The following USP50 variants were observed in gnomAD, a reference collection of about 807,000 sequenced individuals.
USP50 encodes ubiquitin specific peptidase 50, also known as ubiquitin carboxyl-terminal hydrolase 50.
In USP50, 37 loss-of-function variants were observed where a neutral mutation model predicts 39.2. The observed-to-expected ratio is 0.94, with a 90% confidence interval of 0.73 to 1.24. USP50 has a LOEUF of 1.24. USP50 is among the 50% of genes most tolerant of loss of function. The pLI is 0.00. For synonymous variants in USP50, 139 were observed against 144.5 expected, an observed-to-expected ratio of 0.96 and a Z score of 0.27; for missense variants, 374 against 398.2, an observed-to-expected ratio of 0.94 and a Z score of 0.52.
At chr15:50,496,924 G>C (rs2052435731), downstream of USP50, 1 of 812,882 alleles carries the variant, frequency 1.2e-6, no homozygotes, top group Admixed American at 3.2e-5. Context: ...TTGTTCACTT[G>C]TCTATGCTTC....
chr15:50,498,998 T>G (rs1272512193), downstream of USP50: 2 of 1,614,076 alleles, frequency 1.2e-6, no homozygotes, highest in Non-Finnish European at 1.7e-6. Flanking sequence ...ATGAAGTTTC[T>G]GATATCTCCG....
At chr15:50,527,607 G>T (rs953307233) in intron 6 of USP50, among the ~76,000 whole-genome samples, 6 of 151,682 alleles carry the variant, frequency 4.0e-5, no homozygotes, top group Non-Finnish European at 8.8e-5. Context: ...CTACTGTCAT[G>T]CATCATAATT....
At chr15:50,500,913 G>T in intron 6 of USP50, 76 bp from the exon 7 acceptor site, 1 of 1,210,366 alleles carries the variant, frequency 8.3e-7, no homozygotes, top group Non-Finnish European at 1.2e-6. Flanking sequence ...ATAGGGCCAA[G>T]AGATGCTTTT....
At chr15:50,498,419 G>T (rs2052496424), downstream of USP50, 1 of 783,090 alleles carries the variant, frequency 1.3e-6, no homozygotes, top group Non-Finnish European at 1.9e-6. Flanking sequence ...CAGTTTTCTT[G>T]TTTGTAAAAT....
chr15:50,525,546 G>A (rs916106079), intron 6 of USP50, among the ~76,000 whole-genome samples: 4 of 84,040 alleles, frequency 4.8e-5, no homozygotes, highest in African/African-American at 1.0e-4. Flanking sequence ...ATGTATATAT[G>A]TATATATGTG....
chr15:50,514,047 GT>G (rs768352586), intron 6 of USP50: 4 of 152,160 alleles, frequency 2.6e-5, no homozygotes, highest in Non-Finnish European at 5.9e-5. Flanking sequence ...TTACTAAATT[GT>G]AGTATTTTCA....
intron 5 of USP50, among the ~76,000 whole-genome samples, chr15:50,537,788 A>C (rs7175357): frequency 0.029 from 4,180 of 145,994 alleles, 193 homozygotes; most frequent in African/African-American, 0.1. Flanking sequence ...TGAACTAGGG[A>C]AGTGGAGGCT....
At chr15:50,504,746 G>A (rs754719909) in intron 6 of USP50, 2 of 152,206 alleles carry the variant, frequency 1.3e-5, no homozygotes, top group Non-Finnish European at 2.9e-5. Flanking sequence ...TTGGGAGGCT[G>A]AGGCGGGTGG....
intron 6 of USP50, chr15:50,506,350 A>G (rs117164637): frequency 2.6e-5 from 4 of 152,298 alleles, no homozygotes; most frequent in East Asian, 3.9e-4. Flanking sequence ...CACAAACTCT[A>G]TTGTGAACTG....
At chr15:50,495,835 A>T (rs371404791), downstream of USP50, 3 of 1,593,626 alleles carry the variant, frequency 1.9e-6, no homozygotes, top group African/African-American at 1.3e-5. Flanking sequence ...AGCTTAAATC[A>T]TTTTATTTCC....
chr15:50,501,749 G>C (rs2052592201), intron 6 of USP50: 1 of 152,116 alleles, frequency 6.6e-6, no homozygotes, highest in Non-Finnish European at 1.5e-5. Flanking sequence ...TATGGTGTAT[G>C]ATAAGGGTCA....
At chr15:50,495,396 T>C (rs1025385578) in intron 1 of USP50, among the ~76,000 whole-genome samples, 1 of 151,770 alleles carries the variant, frequency 6.6e-6, no homozygotes, top group African/African-American at 2.4e-5. Flanking sequence ...ATTATATATG[T>C]CCAGTTGTAG....
chr15:50,540,706 C>T lies in USP50; in HGVS notation c.660+343G>A, dbSNP rs553661586. Among the ~76,000 whole-genome samples the T allele has an allele frequency of 2.7e-3, 411 of 152,220 alleles. 2 individuals carry two copies. The highest frequency in any genetic ancestry group is 0.021 in the South Asian group (101 of 4,822). ...TAGTGCGATCTTGGCTCACAACAACCTCCGCCTCCCAGGTTCAAGCGATTC... is the reference window on the plus strand; with the variant it reads ...TAGTGCGATCTTGGCTCACAACAACTTCCGCCTCCCAGGTTCAAGCGATTC... On this transcript the variant is annotated intron_variant, in intron 4 of 6. Transcript: ENST00000532404.
rs943313179 is a variant in USP50 at position 50,541,337 on chromosome 15, T to C, written c.445-73A>G. On this transcript the variant is annotated intron_variant, in intron 3 of 6. Transcript: ENST00000532404. The stretch of plus-strand genomic sequence containing the variant: ...AAAAGACTGTGGCAACATGGTGAGA[T>C]CCCATCTCTACAAAAAAAACAAAAA... 10 of 1,344,572 alleles carry C rather than the reference T, an allele frequency of 7.4e-6. No homozygotes were observed. The Admixed American group carries it at 1.4e-4, about 19-fold the overall frequency. 83.3% of individuals were successfully genotyped at this position (1,344,572 alleles called of 1,614,324 possible).
chr15:50,545,615 G>A (rs3109880), intron 1 of USP50, among the ~76,000 whole-genome samples: 54,088 of 150,968 alleles, frequency 0.36, 10,660 homozygotes, highest in Admixed American at 0.48. Context: ...CATAATATAT[G>A]CACATTAAGA....
At position 50,541,229 on chromosome 15, in the gene USP50, T is replaced by A; in HGVS notation, c.480A>T (p.Gly160=). 1.2e-6 allele frequency: 2 copies of A among 1,613,958 alleles called. No individual in the cohort carries two copies. The highest frequency in any genetic ancestry group is 1.7e-6 in the Non-Finnish European group (2 of 1,179,888). The change falls in exon 4 of 7, where the codon GGA becomes GGT. Residue 160 remains glycine, a synonymous_variant. Transcript: ENST00000532404. ...ACTTCCTGCAGCATCTCTGAGTAGATCCTTTCTCATATGATCTTCTCCGGG... is the reference window on the plus strand; with the variant it reads ...ACTTCCTGCAGCATCTCTGAGTAGAACCTTTCTCATATGATCTTCTCCGGG... ...HYSRRRSYEK[G]STQRCCRKWI...
At chr15:50,509,925 A>T (rs2052715999) in intron 6 of USP50, 1 of 152,148 alleles carries the variant, frequency 6.6e-6, no homozygotes, top group Non-Finnish European at 1.5e-5. Context: ...ATAAGAATAA[A>T]GTTGTGATGG....
intron 6 of USP50, among the ~76,000 whole-genome samples, chr15:50,525,053 G>T (rs1440793866): frequency 6.6e-6 from 1 of 152,154 alleles, no homozygotes; most frequent in East Asian, 1.9e-4. Context: ...GTGGATAAAT[G>T]AATAAAGAAA....
At chr15:50,535,986 T>G (rs1395442259) in intron 5 of USP50, among the ~76,000 whole-genome samples, 3 of 152,170 alleles carry the variant, frequency 2.0e-5, no homozygotes, top group African/African-American at 7.2e-5. Flanking sequence ...CTTCTTCAAC[T>G]TAATAAAGAA....
Sources: allele counts gnomAD v4.1 joint callset (sites outside exome capture counted in the v4.1 genomes callset), GRCh38; gene constraint gnomAD v4.1.1; transcripts MANE v1.5; gene names NCBI Gene and HGNC (gene_info 2026-07-23, HGNC 2026-07-21).